Variants in UNC79 observed in about 807,000 individuals in gnomAD.
UNC79 encodes the protein protein unc-79 homolog.
Under a neutral mutation model 283.1 loss-of-function variants are expected in UNC79, and 37 were observed. The observed-to-expected ratio is 0.13, with a 90% CI of 0.10 to 0.17. The LOEUF is 0.17. UNC79 is among the 10% of genes least tolerant of loss of function. The probability of loss-of-function intolerance (pLI) is 1.00; values close to 1 mark genes in which losing one functional copy is unlikely to be tolerated. For synonymous variants in UNC79, 1,107 were observed against 1,200.2 expected (o/e 0.92, Z 1.61); for missense variants, 2,272 against 3,211.1 (o/e 0.71, Z 7.07).
chr14:93,417,037 G>A (rs2055476723), intron 1 of UNC79, among the ~76,000 whole-genome samples: 1 of 151,950 alleles, frequency 6.6e-6, no homozygotes, highest in Non-Finnish European at 1.5e-5. Context: ...AGTTAATATT[G>A]TTATGTGTGA....
chr14:93,367,636 T>C lies in UNC79; in HGVS notation c.-351+34113T>C, dbSNP rs200681396. On this transcript the variant is annotated intron_variant, in intron 1 of 49. Coordinates refer to the UNC79 transcript ENST00000256339. ...CAATAGGTATGGTAAATTGAAAAAA[T>C]AGGAAAAATAACATAAGAGGGTAGG... Among the ~76,000 whole-genome samples the C allele has an allele frequency of 3.6e-3, 394 of 108,234 alleles. 10 individuals carry two copies. The East Asian group carries it at 0.066, about 18-fold the overall frequency. The allele number at this position is 108,234 out of a possible 152,430, so 71.0% of individuals were successfully genotyped here.
chr14:93,637,225 A>G, exon 32 of UNC79: 1 of 1,257,122 alleles, frequency 8.0e-7, no homozygotes, highest in Non-Finnish European at 1.2e-6. Flanking sequence ...GAACAGATAC[A>G]GCCTGGGAAA....
At chr14:93,550,487 C>T (rs1260931870) in intron 14 of UNC79, among the ~76,000 whole-genome samples, 1 of 123,664 alleles carries the variant, frequency 8.1e-6, no homozygotes, top group Non-Finnish European at 1.6e-5. Context: ...TGCACTCCAG[C>T]CTGGGAGACA....
chr14:93,449,023 C>T (rs567778157), intron 1 of UNC79, among the ~76,000 whole-genome samples: 15 of 152,202 alleles, frequency 9.9e-5, no homozygotes, highest in Non-Finnish European at 1.6e-4. Context: ...TTCTGAAGAC[C>T]CAACTGCCTT....
At chr14:93,461,361 T>A (rs1223656208) in intron 1 of UNC79, among the ~76,000 whole-genome samples, 1 of 152,240 alleles carries the variant, frequency 6.6e-6, no homozygotes. Flanking sequence ...TTGTTAAGTG[T>A]TTTTTAGTCT....
At chr14:93,600,044 C>CA (rs2065383513) in intron 24 of UNC79, among the ~76,000 whole-genome samples, 1 of 151,526 alleles carries the variant, frequency 6.6e-6, no homozygotes, top group African/African-American at 2.4e-5. Flanking sequence ...ACTAAAAATA[C>CA]AAAAAATTAG....
At chr14:93,539,010 C>T (rs1259463898) in intron 12 of UNC79, among the ~76,000 whole-genome samples, 1 of 151,408 alleles carries the variant, frequency 6.6e-6, no homozygotes, top group African/African-American at 2.4e-5. Flanking sequence ...TCAAGCGATT[C>T]TCCTGCCTCA....
intron 4 of UNC79, among the ~76,000 whole-genome samples, chr14:93,478,226 A>G (rs1052705391): frequency 6.6e-6 from 1 of 152,156 alleles, no homozygotes; most frequent in African/African-American, 2.4e-5. Flanking sequence ...TCCCTTATAG[A>G]GGTATCGTGA....
intron 12 of UNC79, 41 bp from the exon 13 acceptor site, chr14:93,540,619 T>A (rs777457052): frequency 6.3e-7 from 1 of 1,596,016 alleles, no homozygotes; most frequent in African/African-American, 1.3e-5. Flanking sequence ...TAGAATGTGT[T>A]TTTTCACAGT....
intron 14 of UNC79, among the ~76,000 whole-genome samples, chr14:93,548,534 G>A (rs2061717762): frequency 6.6e-6 from 1 of 152,148 alleles, no homozygotes; most frequent in Non-Finnish European, 1.5e-5. Context: ...TTAAGAGAGA[G>A]AAAATGAAAC....
At chr14:93,639,799 C>T (rs2068855611) in intron 32 of UNC79, among the ~76,000 whole-genome samples, 1 of 152,232 alleles carries the variant, frequency 6.6e-6, no homozygotes, top group South Asian at 2.1e-4. Flanking sequence ...GATTGAAACA[C>T]ATTGCCCACT....
At chr14:93,567,872 A>G (rs951990880) in intron 14 of UNC79, among the ~76,000 whole-genome samples, 5 of 152,318 alleles carry the variant, frequency 3.3e-5, no homozygotes, top group South Asian at 2.1e-4. Flanking sequence ...TTAGGGAGAC[A>G]TGAGACATCA....
At chr14:93,614,435 G>C (rs566978056) in intron 27 of UNC79, among the ~76,000 whole-genome samples, 21 of 152,050 alleles carry the variant, frequency 1.4e-4, no homozygotes, top group Admixed American at 4.6e-4. Context: ...TCCTGCTTCA[G>C]CCTCCAGAAT....
chr14:93,474,090 A>C lies in UNC79; in HGVS notation c.145A>C (p.Ile49Leu). Residue 49 changes from isoleucine (I) to leucine (L), a missense_variant and splice_region_variant, in exon 3 of 49, where the codon ATT (isoleucine) becomes CTT (leucine). Coordinates refer to ENST00000555664, the Ensembl canonical transcript of UNC79. The surrounding 1 kb of genome is among the most constrained non-coding windows in gnomAD (Gnocchi z 4.1). ...TTTTTTTCTTTGTCCCCCCAACAGC[A>C]TTTTGTCCCGCACAGGGAAGAAGGA... is the stretch of plus-strand genomic sequence containing the variant. 1.3e-6 allele frequency: 2 copies of C among 1,529,188 alleles called. No individual in the cohort carries two copies. Among genetic ancestry groups the C allele is most frequent in the Non-Finnish European group, 1.8e-6 (2 of 1,141,988 alleles). The allele number at this position is 1,529,188 out of a possible 1,614,324, so 94.7% of individuals were successfully genotyped here.
At position 93,690,007 on chromosome 14, in the gene UNC79, G is replaced by T; in HGVS notation, c.7086-110G>T. The T allele has an allele frequency of 8.1e-7, 1 of 1,233,756 alleles. No individual in the cohort carries two copies. The highest frequency in any genetic ancestry group is 1.1e-6 in the Non-Finnish European group (1 of 881,018). 76.4% of individuals were successfully genotyped at this position (1,233,756 alleles called of 1,614,324 possible). A position where few individuals can be genotyped will look rare whatever the true frequency, so the allele number is the denominator to read the frequency against. On this transcript the variant is annotated intron_variant, in intron 44 of 48. Coordinates refer to ENST00000555664, the Ensembl canonical transcript of UNC79. The surrounding 1 kb of genome is among the most constrained non-coding windows in gnomAD (Gnocchi z 4.3). ...ATTGCCTTGGCGTTTTGTTTTATGT[G>T]ATTGCCTGCAAGACCACACTTTCAA...
intron 22 of UNC79, among the ~76,000 whole-genome samples, chr14:93,587,756 T>C (rs186025231): frequency 1.3e-5 from 2 of 152,174 alleles, no homozygotes; most frequent in African/African-American, 4.8e-5. Flanking sequence ...GAATATAAAC[T>C]CGACAGTCTT....
chr14:93,483,056 A>C (rs1489482622), intron 4 of UNC79, among the ~76,000 whole-genome samples: 1 of 152,100 alleles, frequency 6.6e-6, no homozygotes, highest in Non-Finnish European at 1.5e-5. Context: ...CTTTTGCTCC[A>C]TGCTTTATTC....
chr14:93,706,740 A>C, exon 49 of UNC79: 3 of 1,614,244 alleles, frequency 1.9e-6, no homozygotes, highest in Non-Finnish European at 2.5e-6. Flanking sequence ...CCTCCAGGCT[A>C]TTCAGAACCA....
At position 93,439,802 on chromosome 14, in the gene UNC79, G is replaced by C. The variant is rs148775734; in HGVS notation, c.22+8751G>C. On this transcript the variant is annotated intron_variant, in intron 1 of 48. Transcript: ENST00000555664. ...GACACTTGTTCTATTTAGACTTTCT[G>C]TTTCTACTGGGGTCAATTTTGGTAA... is the stretch of plus-strand genomic sequence containing the variant. 4.6e-5 allele frequency among the ~76,000 whole-genome samples: 7 copies of C among 152,044 alleles called. No homozygotes were observed. In the East Asian group the frequency reaches 1.4e-3, roughly 29 times the overall value.
Sources: allele counts gnomAD v4.1 joint callset (sites outside exome capture counted in the v4.1 genomes callset), GRCh38; gene constraint gnomAD v4.1.1; non-coding constraint Gnocchi (gnomAD v3.1); transcripts MANE v1.5; gene names NCBI Gene and HGNC (gene_info 2026-07-23, HGNC 2026-07-21).